The following MCTP2 variants were observed in gnomAD, a reference collection of about 807,000 sequenced individuals.
MCTP2 encodes multiple C2 and transmembrane domain containing 2.
Under a neutral mutation model 111.6 loss-of-function variants are expected in MCTP2, and 132 were observed. That is an observed-to-expected ratio of 1.18 (90% CI 1.03 to 1.37). The LOEUF is 1.37. Among genes scored for constraint, MCTP2 ranks in the 40% most tolerant of loss-of-function variants. The pLI, the probability that MCTP2 is intolerant of heterozygous loss-of-function variation, is 0.00. For missense variants in MCTP2, 1,183 were observed against 1,067.9 expected (o/e 1.11, Z -1.50); for synonymous variants, 395 against 387.7 (o/e 1.02, Z -0.22).
At chr15:94,399,714 A>G in intron 15 of MCTP2, 3 of 544,988 alleles carry the variant, frequency 5.5e-6, no homozygotes, top group Non-Finnish European at 9.9e-6. Context: ...ACCCTTCTAG[A>G]CTCAATCTGA....
chr15:94,477,904 G>A (rs1370911592), intron 22 of MCTP2, among the ~76,000 whole-genome samples: 2 of 152,100 alleles, frequency 1.3e-5, no homozygotes, highest in African/African-American at 2.4e-5. Context: ...TTGCATTGAA[G>A]ATTGACAGGT....
At chr15:94,367,472 G>A (rs2079250871) in intron 10 of MCTP2, 133 bp from the exon 11 acceptor site, 4 of 663,636 alleles carry the variant, frequency 6.0e-6, no homozygotes, top group Non-Finnish European at 1.0e-5. Context: ...GGCAACCTTT[G>A]CTGCTCAATA....
intron 13 of MCTP2, among the ~76,000 whole-genome samples, chr15:94,384,984 G>T (rs2080373571): frequency 6.6e-6 from 1 of 152,080 alleles, no homozygotes; most frequent in Admixed American, 6.5e-5. Flanking sequence ...ACAACAGAGG[G>T]TTTCTAAGCA....
intron 12 of MCTP2, among the ~76,000 whole-genome samples, chr15:94,376,750 CTAAGA>C (rs1172553731): frequency 6.6e-6 from 1 of 152,150 alleles, no homozygotes; most frequent in East Asian, 1.9e-4. Flanking sequence ...AGTTACCACT[CTAAGA>C]TGTTTCTTTT....
chr15:94,478,835 G>A (rs2074574876), intron 22 of MCTP2, 131 bp from the exon 23 acceptor site: 2 of 718,510 alleles, frequency 2.8e-6, no homozygotes, highest in South Asian at 1.6e-5. Flanking sequence ...ATGTTCCTGT[G>A]TTTAGAAAAT....
intron 19 of MCTP2, among the ~76,000 whole-genome samples, chr15:94,453,936 G>T (rs1262865936): frequency 6.6e-6 from 1 of 152,100 alleles, no homozygotes; most frequent in African/African-American, 2.4e-5. Context: ...ATATCTCTCT[G>T]TGGAGCATGA....
At chr15:94,314,801 T>C (rs1283317099) in intron 3 of MCTP2, 1 of 454,650 alleles carries the variant, frequency 2.2e-6, no homozygotes, top group Non-Finnish European at 4.4e-6. Flanking sequence ...AGACTTGAAT[T>C]CTACAATATG....
At chr15:94,414,158 T>A (rs1404405756) in intron 17 of MCTP2, among the ~76,000 whole-genome samples, 1 of 152,212 alleles carries the variant, frequency 6.6e-6, no homozygotes, top group Non-Finnish European at 1.5e-5. Flanking sequence ...TTGAGCAAAT[T>A]ATGTGAATTG....
chr15:94,295,667 C>T (rs1399556997), intron 1 of MCTP2, among the ~76,000 whole-genome samples: 1 of 152,128 alleles, frequency 6.6e-6, no homozygotes, highest in Non-Finnish European at 1.5e-5. Flanking sequence ...ACTTTCTTTA[C>T]AACGGACTTT....
chr15:94,301,329 C>T (rs1296536606), intron 2 of MCTP2, among the ~76,000 whole-genome samples: 1 of 152,198 alleles, frequency 6.6e-6, no homozygotes, highest in Non-Finnish European at 1.5e-5. Flanking sequence ...GCTCCCTCCT[C>T]ACCGGCTCCT....
intron 4 of MCTP2, among the ~76,000 whole-genome samples, chr15:94,318,406 C>T (rs2076477198): frequency 6.6e-6 from 1 of 151,876 alleles, no homozygotes. Flanking sequence ...GCCTCAGCCT[C>T]CCAAATAGCT....
intron 19 of MCTP2, among the ~76,000 whole-genome samples, chr15:94,448,458 T>C (rs1442452310): frequency 6.6e-6 from 1 of 152,234 alleles, no homozygotes; most frequent in African/African-American, 2.4e-5. Context: ...TCGTAGTCTA[T>C]ATAGATTGAG....
chr15:94,301,120 A>G (rs1247193020), intron 2 of MCTP2, among the ~76,000 whole-genome samples: 2 of 152,210 alleles, frequency 1.3e-5, no homozygotes, highest in African/African-American at 2.4e-5. Context: ...TTTGTTCTCA[A>G]AAATGAATCC....
At chr15:94,439,503 GT>G (rs1160651973) in intron 17 of MCTP2, among the ~76,000 whole-genome samples, 1 of 152,030 alleles carries the variant, frequency 6.6e-6, no homozygotes, top group East Asian at 1.9e-4. Context: ...CCTAATTAGT[GT>G]GTTTCTTGGA....
At chr15:94,313,098 G>A (rs561957924) in intron 2 of MCTP2, among the ~76,000 whole-genome samples, 25 of 152,246 alleles carry the variant, frequency 1.6e-4, no homozygotes, top group South Asian at 4.2e-4. Context: ...TTATCCAGTC[G>A]TCTTTGGAGG....
At position 94,340,247 on chromosome 15, in the gene MCTP2, G is replaced by A. The variant is rs758893861; in HGVS notation, c.829G>A (p.Val277Ile). 143 of 1,612,962 alleles carry A rather than the reference G, an allele frequency of 8.9e-5. No homozygotes were observed. The highest frequency in any genetic ancestry group is 1.1e-4 in the Non-Finnish European group (127 of 1,179,276). The change falls in exon 6 of 23, where the codon GTC becomes ATC. Residue 277 changes from valine (V) to isoleucine (I), a missense_variant. Coordinates refer to ENST00000357742, the MANE Select transcript of MCTP2 (RefSeq NM_001385001.1). ...TTSDFMGSAF[V>I]ILSDLELNRT... ...ATCTGATTTCATGGGTTCTGCATTT[G>A]TCATTCTCAGTGATCTTGAGCTTAA...
chr15:94,460,820 C>G (rs1312726759), intron 20 of MCTP2, among the ~76,000 whole-genome samples: 3 of 152,226 alleles, frequency 2.0e-5, no homozygotes, highest in South Asian at 2.1e-4. Context: ...GGCTCAACTC[C>G]TATTGATTCT....
In MCTP2 at chr15:94,474,348, A is replaced by T. The variant is rs1023019278; in HGVS notation, c.2471-2348A>T. Among the ~76,000 whole-genome samples, 4 of 152,296 alleles carry T rather than the reference A, an allele frequency of 2.6e-5. No individual in the cohort carries two copies. In the East Asian group the frequency reaches 7.7e-4, roughly 29 times the overall value. Reference sequence around the variant, plus strand: ...GCCCTCTGCATTGTTGTAGAATTTCAGACTACAGTATCATTTTGCCTGTAC... The same window carrying T: ...GCCCTCTGCATTGTTGTAGAATTTCTGACTACAGTATCATTTTGCCTGTAC... On this transcript the variant is annotated intron_variant, in intron 21 of 22. Transcript: ENST00000357742.
At chr15:94,254,232 T>C (rs578146773) in intron 1 of MCTP2, among the ~76,000 whole-genome samples, 247 of 152,240 alleles carry the variant, frequency 1.6e-3, no homozygotes, top group Non-Finnish European at 2.7e-3. Flanking sequence ...ATAATTATTA[T>C]ACAGTGTCTC....
Sources: gnomAD v4.1 joint callset for allele counts (sites outside exome capture counted in the v4.1 genomes callset) on GRCh38, gnomAD v4.1.1 for gene constraint, MANE v1.5 for transcripts, NCBI Gene and HGNC (gene_info 2026-07-23, HGNC 2026-07-21) for gene names.